Variants in TMEM108 observed in about 807,000 individuals in gnomAD.
The protein encoded by TMEM108 is transmembrane protein 108.
In TMEM108, 12 loss-of-function variants were observed where a neutral mutation model predicts 35.1. The ratio of observed to expected loss-of-function variants is 0.34; its 90% CI spans 0.22 to 0.55. TMEM108 has a LOEUF of 0.55. Ranked by LOEUF, TMEM108 falls within the 20% of genes least tolerant of loss-of-function variation. The probability of loss-of-function intolerance (pLI) is 0.89; values close to 1 mark genes in which losing one functional copy is unlikely to be tolerated. For synonymous variants in TMEM108, 287 were observed against 308.6 expected (o/e 0.93, Z 0.73); for missense variants, 680 against 753.3 (o/e 0.90, Z 1.14).
chr3:133,292,528 T>C (rs976876703), intron 3 of TMEM108, among the ~76,000 whole-genome samples: 1 of 152,212 alleles, frequency 6.6e-6, no homozygotes, highest in Admixed American at 6.5e-5. Flanking sequence ...ACAACATGCG[T>C]GGAACTTGGA....
intron 3 of TMEM108, among the ~76,000 whole-genome samples, chr3:133,266,677 G>C (rs1171749674): frequency 1.3e-5 from 2 of 152,172 alleles, no homozygotes; most frequent in African/African-American, 2.4e-5. Context: ...GTCAGTCAGT[G>C]AGTGGTGTGA....
At chr3:133,232,091 AG>A (rs1946162178) in intron 3 of TMEM108, among the ~76,000 whole-genome samples, 1 of 152,168 alleles carries the variant, frequency 6.6e-6, no homozygotes, top group African/African-American at 2.4e-5. Context: ...GGAGAGTTCT[AG>A]CCCATAAGCA....
intron 5 of TMEM108, among the ~76,000 whole-genome samples, chr3:133,394,174 ATCATAAGGTCCCAGT>A (rs2073273716): frequency 6.6e-6 from 1 of 152,234 alleles, no homozygotes; most frequent in South Asian, 2.1e-4. Context: ...CTCTAGAGCA[ATCATAAGGTCCCAGT>A]TCATATTCCA....
intron 3 of TMEM108, among the ~76,000 whole-genome samples, chr3:133,358,452 G>C (rs1035588067): frequency 2.6e-5 from 4 of 152,128 alleles, no homozygotes; most frequent in Non-Finnish European, 5.9e-5. Context: ...TTACAGGTGT[G>C]AGTCACCGTG....
intron 2 of TMEM108, among the ~76,000 whole-genome samples, chr3:133,147,200 G>A (rs1021425554): frequency 6.6e-6 from 1 of 152,090 alleles, no homozygotes; most frequent in African/African-American, 2.4e-5. Context: ...ATTTATTTCT[G>A]CCTTAATTTT....
chr3:133,312,504 G>A (rs2071144522), intron 3 of TMEM108, among the ~76,000 whole-genome samples: 1 of 152,268 alleles, frequency 6.6e-6, no homozygotes, highest in Admixed American at 6.5e-5. Flanking sequence ...TGCACTAGCT[G>A]TGAGCAAGGC....
intron 3 of TMEM108, among the ~76,000 whole-genome samples, chr3:133,297,258 T>C (rs564812265): frequency 6.6e-6 from 1 of 152,320 alleles, no homozygotes; most frequent in East Asian, 1.9e-4. Flanking sequence ...TGGACCATGC[T>C]GACACAGCAC....
intron 2 of TMEM108, among the ~76,000 whole-genome samples, chr3:133,076,502 C>T (rs190619165): frequency 1.3e-5 from 2 of 152,054 alleles, no homozygotes; most frequent in East Asian, 3.9e-4. Flanking sequence ...TTGGGAGAAG[C>T]AATTGACTAT....
chr3:133,174,924 T>C (rs1227064552), intron 2 of TMEM108, among the ~76,000 whole-genome samples: 1 of 151,658 alleles, frequency 6.6e-6, no homozygotes. Flanking sequence ...GTTAAAAACC[T>C]TGAAAAAAAA....
chr3:133,057,435 GTATA>G (rs56983894), intron 2 of TMEM108, among the ~76,000 whole-genome samples: 2,524 of 43,286 alleles, frequency 0.058, 58 homozygotes, highest in Admixed American at 0.061. Context: ...GTGTGTGTGT[GTATA>G]TATATATATA....
chr3:133,308,079 C>T (rs1176868111), intron 3 of TMEM108, among the ~76,000 whole-genome samples: 4 of 152,048 alleles, frequency 2.6e-5, no homozygotes, highest in Non-Finnish European at 2.9e-5. Context: ...CCTTCACATC[C>T]CTTGTAAGTT....
intron 2 of TMEM108, among the ~76,000 whole-genome samples, chr3:133,085,764 A>T (rs1576310867): frequency 6.6e-6 from 1 of 150,452 alleles, no homozygotes; most frequent in African/African-American, 2.4e-5. Context: ...AATTACTTTT[A>T]TTTTTTTTTC....
intron 3 of TMEM108, among the ~76,000 whole-genome samples, chr3:133,275,589 A>G (rs34066880): frequency 0.15 from 22,316 of 152,170 alleles, 1,733 homozygotes; most frequent in South Asian, 0.22. Context: ...CCAATCCGTT[A>G]CTTGCAACTC....
intron 3 of TMEM108, among the ~76,000 whole-genome samples, chr3:133,366,818 A>C (rs2072511857): frequency 6.6e-6 from 1 of 152,196 alleles, no homozygotes; most frequent in Admixed American, 6.5e-5. Flanking sequence ...ATTGATTAGT[A>C]CAGTGTTGTC....
chr3:133,360,283 C>T (rs1019357617), intron 3 of TMEM108, among the ~76,000 whole-genome samples: 4 of 152,012 alleles, frequency 2.6e-5, no homozygotes, highest in African/African-American at 4.8e-5. Flanking sequence ...GCTACACAAG[C>T]GTATACTTTT....
At chr3:133,155,921 A>G (rs114958602) in intron 2 of TMEM108, among the ~76,000 whole-genome samples, 135 of 152,150 alleles carry the variant, frequency 8.9e-4, no homozygotes, top group Non-Finnish European at 1.2e-3. Flanking sequence ...GCCAGATTCT[A>G]TATCCAAAAT....
At chr3:133,161,711 A>G (rs1347985504) in intron 2 of TMEM108, among the ~76,000 whole-genome samples, 1 of 151,870 alleles carries the variant, frequency 6.6e-6, no homozygotes, top group East Asian at 1.9e-4. Flanking sequence ...AAAAAAAAAA[A>G]AAGCCCAAAG....
intron 2 of TMEM108, among the ~76,000 whole-genome samples, chr3:133,077,528 G>T (rs1474745714): frequency 6.6e-6 from 1 of 152,138 alleles, no homozygotes; most frequent in African/African-American, 2.4e-5. Context: ...TTTGTTCTTG[G>T]GGTGAAGGAT....
intron 3 of TMEM108, among the ~76,000 whole-genome samples, chr3:133,347,386 C>T (rs1237792745): frequency 6.6e-6 from 1 of 151,880 alleles, no homozygotes. Flanking sequence ...TGTTTTCTTT[C>T]CTTCCTTTTT....
Sources: gnomAD v4.1 joint callset for allele counts (sites outside exome capture counted in the v4.1 genomes callset) on GRCh38, gnomAD v4.1.1 for gene constraint, MANE v1.5 for transcripts, NCBI Gene and HGNC (gene_info 2026-07-23, HGNC 2026-07-21) for gene names.